TNKS: variants seen among roughly 807,000 people sequenced by gnomAD.
The protein encoded by TNKS is poly [ADP-ribose] polymerase tankyrase-1.
In TNKS, 72 loss-of-function variants were observed where a neutral mutation model predicts 135.8. The observed-to-expected ratio is 0.53, with a 90% CI of 0.44 to 0.64. The LOEUF is 0.64. Ranked by LOEUF, TNKS falls within the 30% of genes least tolerant of loss-of-function variation. The pLI is 0.00. For missense variants in TNKS, 1,769 were observed against 1,674.0 expected, an observed-to-expected ratio of 1.06 and a Z score of -0.99; for synonymous variants, 849 against 649.3, an observed-to-expected ratio of 1.31 and a Z score of -4.68.
intron 3 of TNKS, among the ~76,000 whole-genome samples, chr8:9,656,283 C>G (rs186360138): frequency 1.3e-5 from 2 of 152,304 alleles, no homozygotes; most frequent in East Asian, 3.9e-4. Flanking sequence ...CTGAAAGTGA[C>G]AGGGAGAATG....
At chr8:9,613,138 T>C (rs1799522960) in intron 2 of TNKS, among the ~76,000 whole-genome samples, 1 of 152,188 alleles carries the variant, frequency 6.6e-6, no homozygotes, top group South Asian at 2.1e-4. Context: ...CTTGTGTTAT[T>C]GTCAGCTACA....
At chr8:9,615,793 G>T (rs1799624222) in intron 3 of TNKS, 116 bp downstream of exon 3, 1 of 701,538 alleles carries the variant, frequency 1.4e-6, no homozygotes, top group Non-Finnish European at 2.4e-6. Flanking sequence ...AAATATATCT[G>T]CCATTATCTA....
chr8:9,698,011 CAGT>C (rs1285471529), intron 5 of TNKS, among the ~76,000 whole-genome samples: 10 of 152,120 alleles, frequency 6.6e-5, no homozygotes, highest in African/African-American at 2.2e-4. Context: ...AGGTGCCTAT[CAGT>C]GGTGGATTGG....
At chr8:9,702,308 T>C (rs1297575297) in intron 5 of TNKS, among the ~76,000 whole-genome samples, 1 of 151,062 alleles carries the variant, frequency 6.6e-6, no homozygotes, top group Non-Finnish European at 1.5e-5. Flanking sequence ...TGCGTGTGCG[T>C]GCACACACAC....
intron 1 of TNKS, 92 bp downstream of exon 1, chr8:9,556,704 G>C: frequency 6.9e-7 from 1 of 1,446,890 alleles, no homozygotes. Context: ...ATGGGACAAA[G>C]TGGGGGCGTG....
intron 3 of TNKS, among the ~76,000 whole-genome samples, chr8:9,632,905 A>G (rs1038796862): frequency 6.6e-6 from 1 of 151,824 alleles, no homozygotes; most frequent in Non-Finnish European, 1.5e-5. Flanking sequence ...AATTTTTTGT[A>G]TTTTTAGTAG....
chr8:9,755,845 C>T (rs917241341), intron 20 of TNKS, among the ~76,000 whole-genome samples: 12 of 152,082 alleles, frequency 7.9e-5, no homozygotes, highest in Non-Finnish European at 1.8e-4. Context: ...AGAAAACCTT[C>T]GGCACATCAT....
chr8:9,697,605 TC>T (rs1480744737), intron 5 of TNKS, among the ~76,000 whole-genome samples: 2 of 151,648 alleles, frequency 1.3e-5, no homozygotes, highest in African/African-American at 2.4e-5. Context: ...CAAAAACCAG[TC>T]CCATCAAAAA....
intron 2 of TNKS, among the ~76,000 whole-genome samples, chr8:9,584,239 T>A (rs1210979225): frequency 1.3e-5 from 2 of 151,712 alleles, no homozygotes; most frequent in Non-Finnish European, 2.9e-5. Flanking sequence ...GACTAATTAG[T>A]ATCCAATTCT....
chr8:9,729,061 C>G (rs958050121), intron 13 of TNKS, among the ~76,000 whole-genome samples: 4 of 152,208 alleles, frequency 2.6e-5, no homozygotes, highest in African/African-American at 9.6e-5. Flanking sequence ...GACCCCGTCT[C>G]TCTGCCTTCA....
At chr8:9,576,171 T>C (rs1455789715) in intron 1 of TNKS, among the ~76,000 whole-genome samples, 1 of 152,162 alleles carries the variant, frequency 6.6e-6, no homozygotes, top group Non-Finnish European at 1.5e-5. Flanking sequence ...AGGGATGGCT[T>C]TCTCTTAGTA....
intron 20 of TNKS, among the ~76,000 whole-genome samples, chr8:9,754,890 C>G (rs1416736248): frequency 2.0e-5 from 3 of 152,120 alleles, no homozygotes; most frequent in Non-Finnish European, 4.4e-5. Flanking sequence ...GGACAATATC[C>G]TAAATAGTAA....
chr8:9,651,034 G>C (rs531861380), intron 3 of TNKS, among the ~76,000 whole-genome samples: 1 of 56,432 alleles, frequency 1.8e-5, no homozygotes, highest in East Asian at 6.1e-4. Context: ...CTTTACATGT[G>C]CCTTGCCAAT....
intron 1 of TNKS, among the ~76,000 whole-genome samples, chr8:9,559,325 A>G (rs1422869359): frequency 6.6e-6 from 1 of 152,188 alleles, no homozygotes. Flanking sequence ...TAAAGCAGGA[A>G]TTAAAAGGGT....
chr8:9,647,263 A>G (rs1800953232), intron 3 of TNKS, among the ~76,000 whole-genome samples: 1 of 152,144 alleles, frequency 6.6e-6, no homozygotes. Flanking sequence ...CAGTGCCTCT[A>G]TTTGGTATCT....
intron 3 of TNKS, among the ~76,000 whole-genome samples, chr8:9,625,798 G>A (rs1342229226): frequency 6.6e-6 from 1 of 152,092 alleles, no homozygotes; most frequent in African/African-American, 2.4e-5. Context: ...TTTGGACAAA[G>A]GTAGGACAAA....
intron 3 of TNKS, among the ~76,000 whole-genome samples, chr8:9,657,760 C>T (rs1474756433): frequency 2.4e-4 from 34 of 143,786 alleles, no homozygotes; most frequent in Non-Finnish European, 3.4e-4. Flanking sequence ...CCGGACGGGG[C>T]GGCTGGCCGG....
At chr8:9,585,901 G>A (rs1450350073) in intron 2 of TNKS, among the ~76,000 whole-genome samples, 5 of 152,270 alleles carry the variant, frequency 3.3e-5, no homozygotes, top group Middle Eastern at 3.4e-3. Context: ...ATGGCATTAC[G>A]TAATAGTGGT....
At chr8:9,710,546 T>G (rs905671377) in intron 11 of TNKS, 1 of 470,050 alleles carries the variant, frequency 2.1e-6, no homozygotes, top group African/African-American at 2.0e-5. Context: ...TGAATAACAG[T>G]TTATCAGAAA....
Sources: allele counts gnomAD v4.1 joint callset (sites outside exome capture counted in the v4.1 genomes callset), GRCh38; gene constraint gnomAD v4.1.1; transcripts MANE v1.5; gene names NCBI Gene and HGNC (gene_info 2026-07-23, HGNC 2026-07-21).